Variants in RBFOX2 observed in about 807,000 individuals in gnomAD.
The protein encoded by RBFOX2 is RNA binding fox-1 homolog 2.
RBFOX2 carries 10 observed loss-of-function variants against 49.1 expected under a neutral mutation model. The ratio of observed to expected loss-of-function variants is 0.20; its 90% CI spans 0.13 to 0.35. The LOEUF (loss-of-function observed/expected upper bound fraction) is 0.35. RBFOX2 is among the 10% of genes least tolerant of loss of function. The pLI is 1.00. For synonymous variants in RBFOX2, 183 were observed against 187.4 expected (o/e 0.98, Z 0.19); for missense variants, 323 against 486.9 (o/e 0.66, Z 3.17).
intron 9 of RBFOX2, 119 bp downstream of exon 11, chr22:35,755,986 A>T: frequency 1.8e-6 from 1 of 561,274 alleles, no homozygotes; most frequent in Non-Finnish European, 2.6e-6. Flanking sequence ...CACAAGGAAA[A>T]AGAAAATAAA....
At chr22:36,014,240 G>A (rs2058946873) in intron 1 of RBFOX2, among the ~76,000 whole-genome samples, 1 of 151,754 alleles carries the variant, frequency 6.6e-6, no homozygotes, top group Non-Finnish European at 1.5e-5. Context: ...TCCTGCCTCA[G>A]CCTCTCCGAG....
chr22:35,797,092 T>C (rs922870564), intron 2 of RBFOX2, among the ~76,000 whole-genome samples: 3 of 152,132 alleles, frequency 2.0e-5, no homozygotes, highest in Non-Finnish European at 4.4e-5. Flanking sequence ...TATAAGGTTT[T>C]CCTAACTGGA....
At chr22:35,770,403 A>AG (rs1942329888) in intron 4 of RBFOX2, among the ~76,000 whole-genome samples, 1 of 152,098 alleles carries the variant, frequency 6.6e-6, no homozygotes. Context: ...TGATATTAGC[A>AG]TTATGACTAT....
chr22:35,835,122 T>C (rs1241708017), intron 1 of RBFOX2, among the ~76,000 whole-genome samples: 1 of 152,170 alleles, frequency 6.6e-6, no homozygotes, highest in East Asian at 1.9e-4. Flanking sequence ...GCCTTGTATT[T>C]GTGCCTGGCA....
intron 2 of RBFOX2, among the ~76,000 whole-genome samples, chr22:35,791,908 T>C (rs772039945): frequency 3.3e-5 from 5 of 152,256 alleles, no homozygotes; most frequent in Admixed American, 6.5e-5. Context: ...AGGGACATAG[T>C]TCTGAAAAAT....
exon 2 of RBFOX2, chr22:35,809,924 A>G: frequency 6.2e-7 from 1 of 1,614,080 alleles, no homozygotes; most frequent in Non-Finnish European, 8.5e-7. Context: ...TGGGAATTCC[A>G]TTCTGCGGAG....
intron 6 of RBFOX2, among the ~76,000 whole-genome samples, chr22:35,763,332 C>A (rs956907568): frequency 6.6e-6 from 1 of 152,114 alleles, no homozygotes; most frequent in Non-Finnish European, 1.5e-5. Flanking sequence ...GAGGCTGAGG[C>A]GGAGGGATCA....
At chr22:35,992,084 C>A (rs2150113233) in intron 1 of RBFOX2, among the ~76,000 whole-genome samples, 1 of 152,220 alleles carries the variant, frequency 6.6e-6, no homozygotes, top group Admixed American at 6.5e-5. Context: ...ACAGCAAAGT[C>A]AATAGGACTC....
chr22:35,770,618 A>G (rs1942395385), intron 4 of RBFOX2, among the ~76,000 whole-genome samples: 1 of 152,186 alleles, frequency 6.6e-6, no homozygotes, highest in African/African-American at 2.4e-5. Context: ...ACTAAACTAT[A>G]TTAGTCCTAA....
At chr22:35,850,971 C>A (rs1036278295) in intron 1 of RBFOX2, among the ~76,000 whole-genome samples, 4 of 152,146 alleles carry the variant, frequency 2.6e-5, no homozygotes, top group African/African-American at 9.7e-5. Flanking sequence ...CGTCCCTAAT[C>A]GTGGAGAGCC....
intron 6 of RBFOX2, among the ~76,000 whole-genome samples, chr22:35,763,538 G>A (rs1022954186): frequency 6.6e-6 from 1 of 152,192 alleles, no homozygotes; most frequent in African/African-American, 2.4e-5. Flanking sequence ...CTCCAGCCTA[G>A]GTGACAGAGA....
chr22:35,967,411 C>CAA (rs398061921), intron 1 of RBFOX2, among the ~76,000 whole-genome samples: 98 of 137,340 alleles, frequency 7.1e-4, no homozygotes, highest in African/African-American at 2.2e-3. Flanking sequence ...AATACCCTAC[C>CAA]AAAAAAAAAA....
rs2047605483 is a variant in RBFOX2 at position 35,894,518 on chromosome 22, C to G, written c.-34+44329G>C. On this transcript the variant is annotated intron_variant, in intron 1 of 13. Transcript: ENST00000359369. The stretch of plus-strand genomic sequence containing the variant: ...AGACTGCAGTTCCTGAAGCAACCAG[C>G]TCACAACTTCACCTGCCCCACTTGC... Among the ~76,000 whole-genome samples the G allele has an allele frequency of 2.0e-5, 3 of 152,180 alleles. No individual in the cohort carries two copies. The South Asian group carries it at 6.2e-4, about 32-fold the overall frequency.
At chr22:35,752,706 A>C in intron 9 of RBFOX2, 1 of 927,036 alleles carries the variant, frequency 1.1e-6, no homozygotes, top group Non-Finnish European at 1.3e-6. Flanking sequence ...TGTGGAAGGA[A>C]AACAATCATA....
chr22:35,850,017 G>T (rs966462984), intron 1 of RBFOX2, among the ~76,000 whole-genome samples: 1 of 152,104 alleles, frequency 6.6e-6, no homozygotes, highest in South Asian at 2.1e-4. Flanking sequence ...ACGGTAGGAA[G>T]TCTAAGGTAT....
At chr22:35,867,006 GA>G (rs1179427011) in intron 1 of RBFOX2, among the ~76,000 whole-genome samples, 2 of 152,146 alleles carry the variant, frequency 1.3e-5, no homozygotes, top group African/African-American at 4.8e-5. Context: ...GGTTATGTAA[GA>G]AAACGCCTTT....
intron 1 of RBFOX2, among the ~76,000 whole-genome samples, chr22:35,904,233 T>TC (rs1404725818): frequency 1.3e-5 from 2 of 152,098 alleles, no homozygotes; most frequent in African/African-American, 4.8e-5. Context: ...TGGAGGTCTT[T>TC]CCCCACAAGC....
chr22:35,945,742 A>C (rs1467382941), intron 1 of RBFOX2, among the ~76,000 whole-genome samples: 2 of 152,134 alleles, frequency 1.3e-5, no homozygotes, highest in African/African-American at 4.8e-5. Context: ...TGGCCTCAAG[A>C]AGAGAAATTG....
chr22:35,817,740 G>A (rs962834477), intron 1 of RBFOX2, among the ~76,000 whole-genome samples: 4 of 152,046 alleles, frequency 2.6e-5, no homozygotes, highest in African/African-American at 9.7e-5. Context: ...TCATGTAAGG[G>A]GGCGTTGGAA....
Sources: allele counts gnomAD v4.1 joint callset (sites outside exome capture counted in the v4.1 genomes callset), GRCh38; gene constraint gnomAD v4.1.1; transcripts MANE v1.5; gene names NCBI Gene and HGNC (gene_info 2026-07-23, HGNC 2026-07-21).